The following TPGS2 variants were observed in gnomAD, a reference collection of about 807,000 sequenced individuals.
TPGS2 encodes the protein polyglutamylase subunit 2.
TPGS2 carries 26 observed loss-of-function variants against 31.1 expected under a neutral mutation model. The ratio of observed to expected loss-of-function variants is 0.84; its 90% CI spans 0.61 to 1.16. TPGS2 has a LOEUF of 1.16. Among genes scored for constraint, TPGS2 ranks in the 50% most tolerant of loss-of-function variants. TPGS2 has a pLI of 0.00. For synonymous variants in TPGS2, 130 were observed against 136.6 expected, an observed-to-expected ratio of 0.95 and a Z score of 0.34; for missense variants, 351 against 363.8, an observed-to-expected ratio of 0.96 and a Z score of 0.29.
intron 4 of TPGS2, among the ~76,000 whole-genome samples, chr18:36,801,091 C>A (rs1422424975): frequency 6.6e-6 from 1 of 152,144 alleles, no homozygotes; most frequent in Non-Finnish European, 1.5e-5. Context: ...CTCATTTATT[C>A]CACCATTCCT....
chr18:36,787,195 G>C, intron 6 of TPGS2: 1 of 1,113,876 alleles, frequency 9.0e-7, no homozygotes, highest in Non-Finnish European at 1.1e-6. Context: ...GTAATAGGGG[G>C]CCTTGTGTTC....
At chr18:36,806,464 G>A (rs2045138541) in intron 3 of TPGS2, among the ~76,000 whole-genome samples, 1 of 152,170 alleles carries the variant, frequency 6.6e-6, no homozygotes, top group Non-Finnish European at 1.5e-5. Flanking sequence ...TATAAAAGAA[G>A]GTTCTGATGC....
At chr18:36,816,302 T>C (rs994051760) in intron 2 of TPGS2, among the ~76,000 whole-genome samples, 1 of 152,154 alleles carries the variant, frequency 6.6e-6, no homozygotes, top group Non-Finnish European at 1.5e-5. Context: ...AGGAGGCAGA[T>C]TAGATCCCAA....
At chr18:36,814,404 C>T (rs186975519) in intron 2 of TPGS2, among the ~76,000 whole-genome samples, 17 of 152,254 alleles carry the variant, frequency 1.1e-4, no homozygotes, top group Admixed American at 7.2e-4. Context: ...AATATATAAA[C>T]ATGGAAAAAG....
intron 1 of TPGS2, among the ~76,000 whole-genome samples, chr18:36,824,487 A>G (rs2046044242): frequency 6.6e-6 from 1 of 152,216 alleles, no homozygotes; most frequent in African/African-American, 2.4e-5. Context: ...TACATTTTAC[A>G]TCCCCACCAG....
downstream of TPGS2, chr18:36,782,922 AC>A: frequency 2.5e-6 from 1 of 393,708 alleles, no homozygotes. Flanking sequence ...TTTTTTCTTC[AC>A]CCTCGGAAAT....
intron 4 of TPGS2, among the ~76,000 whole-genome samples, chr18:36,802,969 A>C (rs953992490): frequency 6.6e-6 from 1 of 151,994 alleles, no homozygotes; most frequent in Non-Finnish European, 1.5e-5. Flanking sequence ...TTATTTTTTT[A>C]ATTGACAATT....
intron 5 of TPGS2, 138 bp downstream of exon 5, chr18:36,800,060 T>G (rs2044727131): frequency 2.9e-6 from 2 of 693,338 alleles, no homozygotes; most frequent in Non-Finnish European, 5.0e-6. Context: ...AAAGGGGTTT[T>G]TGGGTTTGGG....
At chr18:36,816,946 A>G (rs1568026008) in intron 2 of TPGS2, among the ~76,000 whole-genome samples, 1 of 152,238 alleles carries the variant, frequency 6.6e-6, no homozygotes, top group Non-Finnish European at 1.5e-5. Flanking sequence ...CCTAAGCCCA[A>G]AAAGAATCAA....
intron 1 of TPGS2, among the ~76,000 whole-genome samples, chr18:36,819,333 G>C (rs2045798070): frequency 6.6e-6 from 1 of 152,112 alleles, no homozygotes; most frequent in Non-Finnish European, 1.5e-5. Flanking sequence ...AAGAAATAAA[G>C]AATAGCAACC....
intron 2 of TPGS2, among the ~76,000 whole-genome samples, chr18:36,816,231 A>G (rs555895035): frequency 1.3e-5 from 2 of 152,294 alleles, no homozygotes; most frequent in East Asian, 3.9e-4. Flanking sequence ...CTAGCACTAC[A>G]ACTGCATTTC....
rs376152935 is a variant in TPGS2, at chr18:36,808,567, G to A, written c.166-633C>T. Among the ~76,000 whole-genome samples, 9 of 152,194 alleles carry A rather than the reference G, an allele frequency of 5.9e-5. No homozygotes were observed. The South Asian group carries it at 6.2e-4, about 11-fold the overall frequency. On this transcript the variant is annotated intron_variant, in intron 2 of 6. Transcript: ENST00000334295. ...GCAGGAGAATGGCATGAACCTGGGA[G>A]GCGGAGCTTGCAGTGAGCCGAGATT...
Position 36,796,858 on chromosome 18 carries a change from T to TGGAGGGACC in TPGS2, c.841_849dup (p.Gly281_Ser283dup). 6.2e-7 allele frequency: 1 copy of TGGAGGGACC among 1,607,364 alleles called. No homozygotes were observed. ...GAGGAGGATTTAGAAGTGGAGGAAG[T>TGGAGGGACC]GGAGGGACCGGAGGGTCCTGAGGGC... On this transcript the variant is annotated inframe_insertion, in exon 7 of 7. Transcript: ENST00000334295.
intron 1 of TPGS2, among the ~76,000 whole-genome samples, chr18:36,826,398 T>A (rs1305235232): frequency 7.5e-6 from 1 of 132,856 alleles, no homozygotes; most frequent in Non-Finnish European, 1.6e-5. Flanking sequence ...ATTGCTGGTG[T>A]ATAGGCTGTG....
intron 6 of TPGS2, among the ~76,000 whole-genome samples, chr18:36,784,249 CCG>C (rs1404252308): frequency 6.6e-6 from 1 of 152,212 alleles, no homozygotes; most frequent in East Asian, 1.9e-4. Flanking sequence ...CAAATGTGCA[CCG>C]CGCACCCGTT....
At chr18:36,780,131 ACT>A, downstream of TPGS2, 1 of 1,231,932 alleles carries the variant, frequency 8.1e-7, no homozygotes, top group African/African-American at 1.6e-5. Context: ...GAATGGCAAA[ACT>A]CTTCTCAGTG....
chr18:36,810,595 C>G (rs1004830362), intron 2 of TPGS2, among the ~76,000 whole-genome samples: 1 of 152,004 alleles, frequency 6.6e-6, no homozygotes, highest in African/African-American at 2.4e-5. Context: ...GGGAGAAAGC[C>G]AACAAGGGAG....
In TPGS2 at chr18:36,795,772, A is replaced by T. The variant is rs1346446559; in HGVS notation, c.*1033T>A. 1 of 985,358 alleles carries T rather than the reference A, an allele frequency of 1.0e-6. No individual in the cohort carries two copies. Among genetic ancestry groups the T allele is most frequent in the African/African-American group, 1.7e-5 (1 of 57,240 alleles). The allele number at this position is 985,358 out of a possible 1,614,324, so 61.0% of individuals were successfully genotyped here. On this transcript the variant is annotated 3_prime_UTR_variant, in exon 7 of 7. Coordinates refer to ENST00000334295, the MANE Select transcript of TPGS2 (RefSeq NM_015476.4). The stretch of plus-strand genomic sequence containing the variant: ...CTTGGAAGCCCACCCTGTTCTAAGC[A>T]GGAGACTGCTTGTCCTAAGGATGGC...
chr18:36,786,656 TG>T, intron 6 of TPGS2: 1 of 426,760 alleles, frequency 2.3e-6, no homozygotes, highest in East Asian at 3.6e-5. Flanking sequence ...TTAATATCAA[TG>T]CTGATCAGTT....
Sources: gnomAD v4.1 joint callset for allele counts (sites outside exome capture counted in the v4.1 genomes callset) on GRCh38, gnomAD v4.1.1 for gene constraint, MANE v1.5 for transcripts, NCBI Gene and HGNC (gene_info 2026-07-23, HGNC 2026-07-21) for gene names.